Variants in SYNE2 observed in about 807,000 individuals in gnomAD.
The protein encoded by SYNE2 is spectrin repeat containing nuclear envelope protein 2.
SYNE2 carries 431 observed loss-of-function variants against 856.3 expected under a neutral mutation model. The observed-to-expected ratio is 0.50, with a 90% CI of 0.47 to 0.55. The LOEUF (loss-of-function observed/expected upper bound fraction) is 0.55, where lower values mean the gene tolerates loss of function less well. Ranked by LOEUF, SYNE2 falls within the 20% of genes least tolerant of loss-of-function variation. SYNE2 has a pLI of 0.00. For synonymous variants in SYNE2, 2,923 were observed against 2,872.3 expected (o/e 1.02, Z -0.56); for missense variants, 8,129 against 8,023.2 (o/e 1.01, Z -0.50).
intron 1 of SYNE2, among the ~76,000 whole-genome samples, chr14:63,903,093 A>G (rs910760911): frequency 2.0e-5 from 3 of 152,122 alleles, no homozygotes; most frequent in African/African-American, 4.8e-5. Flanking sequence ...CATGGGTCCT[A>G]TTTGGTAAGT....
intron 53 of SYNE2, among the ~76,000 whole-genome samples, chr14:64,075,169 G>A (rs1391929217): frequency 6.6e-6 from 1 of 152,178 alleles, no homozygotes; most frequent in Non-Finnish European, 1.5e-5. Context: ...CTTCAGTACA[G>A]TGACTCAATC....
chr14:63,980,656 A>T lies in SYNE2; in HGVS notation c.1572A>T (p.Lys524Asn). 6.3e-7 allele frequency: 1 copy of T among 1,588,340 alleles called. No individual in the cohort carries two copies. Among genetic ancestry groups the T allele is most frequent in the Non-Finnish European group, 8.6e-7 (1 of 1,157,284 alleles). The change falls in exon 15 of 116, where the codon AAA (lysine) becomes AAT (asparagine). Residue 524 changes from lysine (K) to asparagine (N), a missense_variant and splice_region_variant. Coordinates refer to ENST00000555002, the MANE Select transcript of SYNE2 (RefSeq NM_182914.3). Reference sequence around the variant, plus strand: ...TATGTTTTTTGTTTTCTTCCCAGAAATTTATTGAAGAAAAAGAATTCCTAG... The same window carrying T: ...TATGTTTTTTGTTTTCTTCCCAGAATTTTATTGAAGAAAAAGAATTCCTAG... ...SVELLLEDWH[K>N]FIEEKEFLAR...
chr14:63,956,987 C>G (rs540850648), intron 8 of SYNE2, among the ~76,000 whole-genome samples: 152 of 152,266 alleles, frequency 1.0e-3, no homozygotes, highest in African/African-American at 3.5e-3. Flanking sequence ...CCCCCCCATG[C>G]CCCAGTACTT....
intron 10 of SYNE2, among the ~76,000 whole-genome samples, chr14:63,967,071 G>C (rs559570578): frequency 6.6e-6 from 1 of 151,850 alleles, no homozygotes; most frequent in African/African-American, 2.4e-5. Flanking sequence ...TCATCATGTT[G>C]GCCAGGATGG....
At chr14:64,001,895 C>G in intron 28 of SYNE2, 39 bp from the exon 29 acceptor site, 1 of 1,611,910 alleles carries the variant, frequency 6.2e-7, no homozygotes, top group Non-Finnish European at 8.5e-7. Flanking sequence ...TATCTTTCTG[C>G]TGTGTTTTCC....
At chr14:63,804,071 T>C (rs2139806074) in intron 1 of SYNE2, among the ~76,000 whole-genome samples, 1 of 152,334 alleles carries the variant, frequency 6.6e-6, no homozygotes, top group African/African-American at 2.4e-5. Flanking sequence ...TGATTATAAG[T>C]TTCCTGAGGC....
At chr14:63,868,418 T>A (rs1895988259) in intron 1 of SYNE2, among the ~76,000 whole-genome samples, 1 of 148,838 alleles carries the variant, frequency 6.7e-6, no homozygotes, top group African/African-American at 2.5e-5. Context: ...GAAGGTACAG[T>A]GAGCCGAGAT....
chr14:64,116,039 T>C (rs2097851545), intron 66 of SYNE2, among the ~76,000 whole-genome samples: 1 of 152,080 alleles, frequency 6.6e-6, no homozygotes, highest in Non-Finnish European at 1.5e-5. Flanking sequence ...GGCATGGTGG[T>C]GTGTATCTGT....
At chr14:64,224,926 ATTT>A (rs35455974) in intron 114 of SYNE2, 70 bp from the exon 115 acceptor site, 571 of 1,272,156 alleles carry the variant, frequency 4.5e-4, no homozygotes, top group Non-Finnish European at 5.3e-4. Flanking sequence ...TTAAGGGAGG[ATTT>A]TTTTTTTTTT....
At chr14:63,861,658 A>G (rs1423017368) in intron 1 of SYNE2, among the ~76,000 whole-genome samples, 1 of 151,810 alleles carries the variant, frequency 6.6e-6, no homozygotes, top group Non-Finnish European at 1.5e-5. Flanking sequence ...ATGGTGGTGC[A>G]TGTCTATAGT....
Position 63,913,466 on chromosome 14 carries a change from C to CTTTCTTTT in SYNE2, c.79+4242_79+4243insCTTTTTTT, listed in dbSNP as rs551498099. On this transcript the variant is annotated intron_variant, in intron 2 of 115. Transcript: ENST00000555002. ...TTTTTCTTTTTCTTTTTCTTTCTTT[C>CTTTCTTTT]TTTTTTTTTTTTCTGAGACAGAATC... 4.7e-3 allele frequency among the ~76,000 whole-genome samples: 658 copies of CTTTCTTTT among 139,616 alleles called. 5 individuals carry two copies. The highest frequency in any genetic ancestry group is 0.016 in the African/African-American group (593 of 37,922). 91.6% of individuals were successfully genotyped at this position (139,616 alleles called of 152,430 possible). A position where few individuals can be genotyped will look rare whatever the true frequency, so the allele number is the denominator to read the frequency against.
At chr14:64,181,033 C>T (rs1386209594) in intron 96 of SYNE2, among the ~76,000 whole-genome samples, 2 of 151,872 alleles carry the variant, frequency 1.3e-5, no homozygotes, top group Admixed American at 1.3e-4. Flanking sequence ...TTTTGGGTGT[C>T]TATGAGACCA....
Position 64,225,644 on chromosome 14 carries a change from T to G in SYNE2, c.*118T>G. On this transcript the variant is annotated 3_prime_UTR_variant, in exon 116 of 116. Transcript: ENST00000555002. Reference sequence around the variant, plus strand: ...GCAAGGTCCCGGGACCTGTGCAGACTTCTTCTGGGCTTACCCAGCACGGGC... The same window carrying G: ...GCAAGGTCCCGGGACCTGTGCAGACGTCTTCTGGGCTTACCCAGCACGGGC... 8.7e-7 allele frequency: 1 copy of G among 1,152,434 alleles called. No homozygotes were observed. The highest frequency in any genetic ancestry group is 1.3e-6 in the Non-Finnish European group (1 of 783,926). The allele number at this position is 1,152,434 out of a possible 1,614,324, so 71.4% of individuals were successfully genotyped here. A position where few individuals can be genotyped will look rare whatever the true frequency, so the allele number is the denominator to read the frequency against.
In SYNE2 at chr14:64,132,306, A is replaced by T; in HGVS notation, c.14382A>T (p.Gln4794His). 6.2e-7 allele frequency: 1 copy of T among 1,614,080 alleles called. No individual in the cohort carries two copies. Among genetic ancestry groups the T allele is most frequent in the Non-Finnish European group, 8.5e-7 (1 of 1,180,040 alleles). ...TTGTTGCTGACATGTTGTTGATCCAAGCATACTCTGCCAAAATACTTCCTT... is the reference window on the plus strand; with the variant it reads ...TTGTTGCTGACATGTTGTTGATCCATGCATACTCTGCCAAAATACTTCCTT... ...QKLVADMLLI[Q>H]AYSAKILPSL... Residue 4794 changes from glutamine to histidine, a missense_variant, in exon 77 of 116, where the codon CAA becomes CAT. By Grantham distance (24) the Gln-to-His change is conservative. Coordinates refer to ENST00000555002, the MANE Select transcript of SYNE2 (RefSeq NM_182914.3).
intron 99 of SYNE2, among the ~76,000 whole-genome samples, chr14:64,200,259 A>G (rs2098556300): frequency 6.6e-6 from 1 of 152,220 alleles, no homozygotes; most frequent in Non-Finnish European, 1.5e-5. Flanking sequence ...CAGGGGCTAG[A>G]TGAAGGCCGT....
chr14:63,814,837 C>CCAT, intron 1 of SYNE2, among the ~76,000 whole-genome samples: 1 of 37,486 alleles, frequency 2.7e-5, no homozygotes, highest in South Asian at 8.1e-4. Context: ...TATCCATATA[C>CCAT]ATATCTCCAT....
chr14:64,147,328 C>T lies in SYNE2; in HGVS notation c.15639+1105C>T, dbSNP rs141546867. The stretch of plus-strand genomic sequence containing the variant: ...CTCCCTCATTTCCTTCTGATTCATT[C>T]TCCACATTGCTGCAGAGGGATATTT... On this transcript the variant is annotated intron_variant, in intron 84 of 115. Transcript: ENST00000555002. Among the ~76,000 whole-genome samples, 13 of 152,306 alleles carry T rather than the reference C, an allele frequency of 8.5e-5. No homozygotes were observed. The East Asian group carries it at 2.5e-3, about 29-fold the overall frequency.
intron 1 of SYNE2, among the ~76,000 whole-genome samples, chr14:63,799,413 T>G (rs1181284208): frequency 6.5e-4 from 77 of 119,182 alleles, no homozygotes; most frequent in Non-Finnish European, 1.3e-3. Flanking sequence ...TTTTTTTTTT[T>G]GGCCGGGCGC....
intron 2 of SYNE2, among the ~76,000 whole-genome samples, chr14:63,924,255 G>A (rs2095633544): frequency 6.6e-6 from 1 of 151,650 alleles, no homozygotes. Flanking sequence ...GCACTATCTT[G>A]ATTACTGTAG....
Sources: gnomAD v4.1 joint callset for allele counts (sites outside exome capture counted in the v4.1 genomes callset) on GRCh38, gnomAD v4.1.1 for gene constraint, MANE v1.5 for transcripts, NCBI Gene and HGNC (gene_info 2026-07-23, HGNC 2026-07-21) for gene names.